GUCY2C: variants seen among roughly 807,000 people sequenced by gnomAD.
The protein encoded by GUCY2C is guanylate cyclase 2C.
In GUCY2C, 118 loss-of-function variants were observed where a neutral mutation model predicts 131.1. The observed-to-expected ratio is 0.90, with a 90% CI of 0.78 to 1.05. The LOEUF is 1.05. Ranked by LOEUF, GUCY2C falls within the 50% of genes least tolerant of loss-of-function variation. GUCY2C has a pLI of 0.00. For synonymous variants in GUCY2C, 452 were observed against 457.8 expected (o/e 0.99, Z 0.16); for missense variants, 1,161 against 1,304.4 (o/e 0.89, Z 1.69).
At chr12:14,693,673 C>T (rs757745649) in intron 1 of GUCY2C, among the ~76,000 whole-genome samples, 39 of 152,230 alleles carry the variant, frequency 2.6e-4, no homozygotes, top group Admixed American at 2.6e-4. Flanking sequence ...CAACAAAATG[C>T]ACTAACAAAT....
At position 14,669,706 on chromosome 12, in the gene GUCY2C, A is replaced by G. The variant is rs377567013; in HGVS notation, c.1282+16T>C. 3 of 1,253,696 alleles carry G rather than the reference A, an allele frequency of 2.4e-6. No individual in the cohort carries two copies. Among genetic ancestry groups the G allele is most frequent in the Admixed American group, 3.8e-5 (2 of 51,996 alleles). 77.7% of individuals were successfully genotyped at this position (1,253,696 alleles called of 1,614,324 possible). A position where few individuals can be genotyped will look rare whatever the true frequency, so the allele number is the denominator to read the frequency against. On this transcript the variant is annotated intron_variant, in intron 10 of 26. Coordinates refer to ENST00000261170, the MANE Select transcript of GUCY2C (RefSeq NM_004963.4). ...AAACAGTGTCAGGGAGAGAAAATTCATTAGGGATATCTTACCCCGGCCTGT... is the reference window on the plus strand; with the variant it reads ...AAACAGTGTCAGGGAGAGAAAATTCGTTAGGGATATCTTACCCCGGCCTGT...
chr12:14,614,015 A>G (rs549247747), intron 26 of GUCY2C, among the ~76,000 whole-genome samples: 4 of 152,204 alleles, frequency 2.6e-5, no homozygotes, highest in Admixed American at 6.6e-5. Flanking sequence ...CCAGAACCGC[A>G]GTCTTGGGGT....
chr12:14,645,212 G>C lies in GUCY2C; in HGVS notation c.1797+17C>G, dbSNP rs758466432. ...TATATTTAATTTTCATATTTTCTGTGTGTGTGTTTCTCTTACCTTAGCAAT... is the reference window on the plus strand; with the variant it reads ...TATATTTAATTTTCATATTTTCTGTCTGTGTGTTTCTCTTACCTTAGCAAT... On this transcript the variant is annotated intron_variant, in intron 16 of 26. Coordinates refer to ENST00000261170, the MANE Select transcript of GUCY2C (RefSeq NM_004963.4). The C allele has an allele frequency of 5.5e-6, 7 of 1,272,994 alleles. No individual in the cohort carries two copies. The African/African-American group carries it at 8.9e-5, about 16-fold the overall frequency. The allele number at this position is 1,272,994 out of a possible 1,614,324, so 78.9% of individuals were successfully genotyped here.
At position 14,686,178 on chromosome 12, in the gene GUCY2C, G is replaced by GT. The variant is rs776468757; in HGVS notation, c.377dup (p.Tyr126Ter). 3.9e-5 allele frequency: 63 copies of GT among 1,601,212 alleles called. No homozygotes were observed. The highest frequency in any genetic ancestry group is 5.0e-5 in the Non-Finnish European group (59 of 1,168,418). The change falls in exon 3 of 27, where the codon TAC (tyrosine) becomes TAAC (stop). Residue 126 changes from tyrosine (Y) to a stop codon, truncating the protein, a stop_gained and frameshift_variant. Transcript: ENST00000261170. LOFTEE classifies it high-confidence loss of function. Reference protein sequence around the residue: ...GCVLIGPSCTYSTFQMYLDTE... With the variant: ...GCVLIGPSCT ...TTACTTACTACATCTGGAAGGTGGAGTATGTACATGAGGGCCCTATGAGGA... is the reference window on the plus strand; with the variant it reads ...TTACTTACTACATCTGGAAGGTGGAGTTATGTACATGAGGGCCCTATGAGGA...
intron 15 of GUCY2C, among the ~76,000 whole-genome samples, chr12:14,651,023 T>C (rs1347307552): frequency 6.6e-6 from 1 of 152,138 alleles, no homozygotes; most frequent in Non-Finnish European, 1.5e-5. Context: ...GAGTAATAAT[T>C]TGGACAGCAG....
intron 10 of GUCY2C, among the ~76,000 whole-genome samples, 192 bp from the exon 11 acceptor site, chr12:14,661,254 A>G (rs544548840): frequency 2.0e-5 from 3 of 152,242 alleles, no homozygotes; most frequent in African/African-American, 7.2e-5. Context: ...CATTGTACCC[A>G]GGGAAAGTGG....
intron 21 of GUCY2C, among the ~76,000 whole-genome samples, chr12:14,625,324 T>C (rs369885913): frequency 1.9e-5 from 2 of 105,136 alleles, no homozygotes; most frequent in Non-Finnish European, 3.7e-5. Context: ...GCAAAGTACA[T>C]GCATTTTTTT....
intron 13 of GUCY2C, 117 bp downstream of exon 13, chr12:14,652,835 A>C: frequency 1.3e-6 from 1 of 775,758 alleles, no homozygotes; most frequent in Non-Finnish European, 2.4e-6. Flanking sequence ...AATAGCCCCT[A>C]GGAACAGACT....
chr12:14,671,380 C>T (rs144314801), intron 9 of GUCY2C, among the ~76,000 whole-genome samples: 2,653 of 152,162 alleles, frequency 0.017, 85 homozygotes, highest in African/African-American at 0.06. Flanking sequence ...TCAAGTGATC[C>T]GCCTGCCTCG....
At chr12:14,636,176 G>A (rs1267303442) in intron 19 of GUCY2C, among the ~76,000 whole-genome samples, 1 of 152,078 alleles carries the variant, frequency 6.6e-6, no homozygotes, top group Admixed American at 6.6e-5. Context: ...CAATATCCCT[G>A]AGGAACATAG....
intron 15 of GUCY2C, among the ~76,000 whole-genome samples, chr12:14,647,042 G>C (rs990889659): frequency 3.3e-5 from 5 of 152,186 alleles, no homozygotes; most frequent in Non-Finnish European, 7.3e-5. Flanking sequence ...CAAATGAAGG[G>C]AGGCAAGAGT....
intron 21 of GUCY2C, among the ~76,000 whole-genome samples, chr12:14,623,495 C>T (rs1306717121): frequency 1.3e-5 from 2 of 152,264 alleles, no homozygotes; most frequent in South Asian, 2.1e-4. Context: ...TTGACATGCC[C>T]TGTATAAAGT....
intron 10 of GUCY2C, among the ~76,000 whole-genome samples, chr12:14,663,575 G>A (rs909778993): frequency 6.6e-6 from 1 of 152,196 alleles, no homozygotes; most frequent in Non-Finnish European, 1.5e-5. Flanking sequence ...GAGCCACTGT[G>A]CCCAGCCATG....
At chr12:14,658,647 G>A (rs921578010) in intron 11 of GUCY2C, among the ~76,000 whole-genome samples, 5 of 152,160 alleles carry the variant, frequency 3.3e-5, no homozygotes, top group African/African-American at 1.2e-4. Flanking sequence ...CTGCACTCCA[G>A]CCTGAGTGAC....
At chr12:14,638,476 C>T (rs1302616043) in intron 19 of GUCY2C, among the ~76,000 whole-genome samples, 1 of 152,180 alleles carries the variant, frequency 6.6e-6, no homozygotes, top group East Asian at 1.9e-4. Context: ...AAATGTCCAT[C>T]AGTGGATGAA....
chr12:14,643,895 T>C (rs1029931020), intron 16 of GUCY2C, among the ~76,000 whole-genome samples, 189 bp from the exon 17 acceptor site: 3 of 152,158 alleles, frequency 2.0e-5, no homozygotes, highest in African/African-American at 7.2e-5. Flanking sequence ...ACTTTATATC[T>C]AGTTTCAAAG....
At chr12:14,690,528 T>A (rs921842351) in intron 1 of GUCY2C, among the ~76,000 whole-genome samples, 2 of 151,658 alleles carry the variant, frequency 1.3e-5, no homozygotes, top group Non-Finnish European at 2.9e-5. Flanking sequence ...TAAGCAGGGA[T>A]GTTCTTTTTT....
intron 20 of GUCY2C, among the ~76,000 whole-genome samples, chr12:14,626,415 AG>A (rs1947019554): frequency 6.6e-6 from 1 of 152,210 alleles, no homozygotes. Context: ...TAATCAACGT[AG>A]GAGAAGGAGG....
In GUCY2C at chr12:14,696,573, C is replaced by T. The variant is rs1051477404; in HGVS notation, c.-125G>A. On this transcript the variant is annotated 5_prime_UTR_variant, in exon 1 of 27. Coordinates refer to ENST00000261170, the MANE Select transcript of GUCY2C (RefSeq NM_004963.4). The stretch of plus-strand genomic sequence containing the variant: ...GTCCCTCAGCCCACTCTTCCCCACG[C>T]TTCTCTCTGGTCATGCCCAACTGGT... 105 of 692,166 alleles carry T rather than the reference C, an allele frequency of 1.5e-4. No homozygotes were observed. The highest frequency in any genetic ancestry group is 1.8e-4 in the Non-Finnish European group (74 of 400,772). The allele number at this position is 692,166 out of a possible 1,614,324, so 42.9% of individuals were successfully genotyped here.
Sources: allele counts gnomAD v4.1 joint callset (sites outside exome capture counted in the v4.1 genomes callset), GRCh38; gene constraint gnomAD v4.1.1; transcripts MANE v1.5; gene names NCBI Gene and HGNC (gene_info 2026-07-23, HGNC 2026-07-21).